Variants in LARGE1 observed in about 807,000 individuals in gnomAD.
The protein encoded by LARGE1 is LARGE xylosyl- and glucuronyltransferase 1.
LARGE1 carries 43 observed loss-of-function variants against 87.6 expected under a neutral mutation model. That is an observed-to-expected ratio of 0.49 (90% CI 0.38 to 0.63). The LOEUF is 0.63. Among genes scored for constraint, LARGE1 ranks in the 30% least tolerant of loss-of-function variants. The pLI is 0.00. For synonymous variants in LARGE1, 434 were observed against 394.6 expected, an observed-to-expected ratio of 1.10 and a Z score of -1.18; for missense variants, 802 against 1,000.2, an observed-to-expected ratio of 0.80 and a Z score of 2.67.
intron 6 of LARGE1, among the ~76,000 whole-genome samples, chr22:33,453,799 TAAGAGATTTCTAACAAAATCTCTTTG>T (rs1443822771): frequency 2.0e-5 from 3 of 152,220 alleles, no homozygotes; most frequent in African/African-American, 4.8e-5. Context: ...GGTTCTCTCA[TAAGAGATTTCTAACAAAATCTCTTTG>T]AAAAATGGAA....
At chr22:33,558,184 T>C (rs548740588) in intron 6 of LARGE1, among the ~76,000 whole-genome samples, 2 of 152,206 alleles carry the variant, frequency 1.3e-5, no homozygotes, top group Non-Finnish European at 2.9e-5. Context: ...GGGGGCACAC[T>C]GGGCCAGCCA....
intron 2 of LARGE1, among the ~76,000 whole-genome samples, chr22:33,697,549 C>CAAAAAAAA (rs3072289): frequency 0.19 from 10,085 of 52,974 alleles, 788 homozygotes; most frequent in South Asian, 0.22. Context: ...GACTCTGTCC[C>CAAAAAAAA]AAAAAAAAAA....
intron 9 of LARGE1, among the ~76,000 whole-genome samples, chr22:33,338,833 T>C (rs1179716409): frequency 6.6e-6 from 1 of 151,962 alleles, no homozygotes; most frequent in African/African-American, 2.4e-5. Context: ...AATTTGAATG[T>C]GATAATGGAG....
intron 11 of LARGE1, among the ~76,000 whole-genome samples, chr22:33,260,382 A>C (rs7285192): frequency 0.16 from 25,046 of 152,156 alleles, 2,131 homozygotes; most frequent in East Asian, 0.29. Context: ...ATCCCACTTG[A>C]AAGCTCTCTG....
In LARGE1 at chr22:33,792,364, G is replaced by A. The variant is rs139725411; in HGVS notation, c.-82-30806C>T. Among the ~76,000 whole-genome samples the A allele has an allele frequency of 8.4e-3, 1,272 of 152,226 alleles. 9 individuals are homozygous for A. Among genetic ancestry groups the A allele is most frequent in the Non-Finnish European group, 0.014 (932 of 68,002 alleles). ...ATTTTCCCTGCTGGTACTTCTCCTT[G>A]CTCCCGCCATGTGAAGAAGGATGTG... On this transcript the variant is annotated intron_variant, in intron 1 of 14. Transcript: ENST00000397394.
At chr22:33,074,761 G>T in the LARGE1 span, among the ~76,000 whole-genome samples, 1 of 152,096 alleles carries the variant, frequency 6.6e-6, no homozygotes, top group Non-Finnish European at 1.5e-5. Context: ...GAGGAGAAAG[G>T]GTCCTTTGTC....
At chr22:33,625,747 CCT>C (rs1267284772) in intron 4 of LARGE1, among the ~76,000 whole-genome samples, 1 of 152,104 alleles carries the variant, frequency 6.6e-6, no homozygotes, top group South Asian at 2.1e-4. Flanking sequence ...ATCCTAATCT[CCT>C]CTTTTTTTTA....
At chr22:33,827,661 A>T (rs1490524161) in intron 1 of LARGE1, among the ~76,000 whole-genome samples, 2 of 152,186 alleles carry the variant, frequency 1.3e-5, no homozygotes, top group Non-Finnish European at 2.9e-5. Context: ...GCATCACATC[A>T]GGGCTGTTCT....
intron 2 of LARGE1, among the ~76,000 whole-genome samples, chr22:33,697,337 G>C (rs1569381578): frequency 6.6e-6 from 1 of 151,988 alleles, no homozygotes; most frequent in Non-Finnish European, 1.5e-5. Context: ...TTTCCTTGGT[G>C]GTCTGGTTCA....
At chr22:33,111,320 C>G in the LARGE1 span, among the ~76,000 whole-genome samples, 3 of 152,150 alleles carry the variant, frequency 2.0e-5, no homozygotes, top group African/African-American at 7.2e-5. Flanking sequence ...GAGACTCTGA[C>G]TCCGTAGGAC....
chr22:33,780,993 G>C (rs903380813), intron 1 of LARGE1, among the ~76,000 whole-genome samples: 51 of 152,198 alleles, frequency 3.4e-4, no homozygotes, highest in African/African-American at 1.1e-3. Context: ...AGCGCACAAA[G>C]CTGCCCCGCC....
At position 33,899,157 on chromosome 22, in the gene LARGE1, C is replaced by A. The variant is rs555819536; in HGVS notation, c.-83+20838G>T. 3.3e-5 allele frequency among the ~76,000 whole-genome samples: 5 copies of A among 152,312 alleles called. No homozygotes were observed. In the East Asian group the frequency reaches 9.6e-4, roughly 29 times the overall value. On this transcript the variant is annotated intron_variant, in intron 1 of 14. Transcript: ENST00000397394. Reference sequence around the variant, plus strand: ...TGCAATGTAAGCTTCCAGTGTGGCACTGTACAAGGCGGCCATATAACAAAA... The same window carrying A: ...TGCAATGTAAGCTTCCAGTGTGGCAATGTACAAGGCGGCCATATAACAAAA...
chr22:33,498,016 G>A lies in LARGE1; in HGVS notation c.788-65751C>T, dbSNP rs141217065. ...TCGTGCCTCAGCCTCCCGAGTAGCT[G>A]TGATTACAGACGTGTAACACCATGC... On this transcript the variant is annotated intron_variant, in intron 6 of 14. Coordinates refer to ENST00000397394, the MANE Select transcript of LARGE1 (RefSeq NM_133642.5). Among the ~76,000 whole-genome samples the A allele has an allele frequency of 2.9e-3, 437 of 152,236 alleles. 5 individuals are homozygous for A. Among genetic ancestry groups the A allele is most frequent in the African/African-American group, 0.01 (424 of 41,552 alleles).
intron 1 of LARGE1, among the ~76,000 whole-genome samples, chr22:33,879,944 T>C (rs1163032948): frequency 1.3e-5 from 2 of 152,204 alleles, no homozygotes; most frequent in Admixed American, 6.5e-5. Context: ...TTTTTTGTTC[T>C]GAGTACCTTT....
At chr22:33,689,398 G>C (rs1244009960) in intron 2 of LARGE1, among the ~76,000 whole-genome samples, 1 of 152,170 alleles carries the variant, frequency 6.6e-6, no homozygotes, top group Non-Finnish European at 1.5e-5. Flanking sequence ...GGCCAATATC[G>C]TGACAGATAA....
At chr22:33,877,204 G>A (rs191223029) in intron 1 of LARGE1, among the ~76,000 whole-genome samples, 4 of 152,282 alleles carry the variant, frequency 2.6e-5, no homozygotes, top group Admixed American at 6.5e-5. Flanking sequence ...GAAGAGAAGG[G>A]AAAGAATACC....
At chr22:33,414,540 G>A (rs1474141697) in intron 7 of LARGE1, among the ~76,000 whole-genome samples, 1 of 152,102 alleles carries the variant, frequency 6.6e-6, no homozygotes, top group East Asian at 1.9e-4. Context: ...GACTAGGATT[G>A]GCAACTCATG....
At chr22:33,472,914 T>A (rs998299108) in intron 6 of LARGE1, among the ~76,000 whole-genome samples, 8 of 152,214 alleles carry the variant, frequency 5.3e-5, no homozygotes, top group African/African-American at 1.9e-4. Context: ...TCTTTCTGCA[T>A]TTGTAGCTGT....
the LARGE1 span, among the ~76,000 whole-genome samples, chr22:33,080,714 C>G: frequency 6.6e-6 from 1 of 152,152 alleles, no homozygotes; most frequent in African/African-American, 2.4e-5. Flanking sequence ...GATTAAGTAA[C>G]TTGCCCAAAG....
Sources: allele counts gnomAD v4.1 joint callset (sites outside exome capture counted in the v4.1 genomes callset), GRCh38; gene constraint gnomAD v4.1.1; transcripts MANE v1.5; gene names NCBI Gene and HGNC (gene_info 2026-07-23, HGNC 2026-07-21).